The following APPBP2 variants were observed in gnomAD, a reference collection of about 807,000 sequenced individuals.
APPBP2 encodes the protein amyloid protein-binding protein 2.
A neutral mutation model predicts 76.0 loss-of-function variants in APPBP2; 15 were observed. The observed-to-expected ratio is 0.20, with a 90% confidence interval of 0.13 to 0.30. The LOEUF (loss-of-function observed/expected upper bound fraction) is 0.30, where lower values mean the gene tolerates loss of function less well. APPBP2 is among the 10% of genes least tolerant of loss of function. The pLI, the probability that APPBP2 is intolerant of heterozygous loss-of-function variation, is 1.00. For missense variants in APPBP2, 401 were observed against 687.2 expected (o/e 0.58, Z 4.66); for synonymous variants, 222 against 242.2 (o/e 0.92, Z 0.77).
At chr17:60,511,057 T>C (rs1050069021) in intron 1 of APPBP2, among the ~76,000 whole-genome samples, 4 of 152,200 alleles carry the variant, frequency 2.6e-5, no homozygotes, top group African/African-American at 9.7e-5. Flanking sequence ...CAAGATAGTA[T>C]GATTTTGTTA....
chr17:60,476,823 C>T (rs1000949147), intron 4 of APPBP2, among the ~76,000 whole-genome samples: 24 of 152,192 alleles, frequency 1.6e-4, no homozygotes, highest in African/African-American at 5.8e-4. Context: ...AAGCAATCCT[C>T]AAATCTTGGC....
At chr17:60,469,639 A>G (rs1401121583) in intron 4 of APPBP2, among the ~76,000 whole-genome samples, 1 of 152,208 alleles carries the variant, frequency 6.6e-6, no homozygotes, top group Non-Finnish European at 1.5e-5. Flanking sequence ...GAACCATACA[A>G]TATTTGTCCT....
intron 1 of APPBP2, among the ~76,000 whole-genome samples, chr17:60,518,527 T>TGTGTGTGTGTGTGTGTGTGTGTGA (rs1228556905): frequency 1.1e-4 from 16 of 151,278 alleles, no homozygotes; most frequent in African/African-American, 3.7e-4. Flanking sequence ...TGTGTGTGTG[T>TGTGTGTGTGTGTGTGTGTGTGTGA]GAAAGAGAGA....
At position 60,460,684 on chromosome 17, in the gene APPBP2, G is replaced by C. The variant is rs1321675614; in HGVS notation, c.1040C>G (p.Ser347Cys). The change falls in exon 9 of 13, where the codon TCT becomes TGT. Residue 347 changes from serine (S) to cysteine (C), a missense_variant. By Grantham distance (112) the Ser-to-Cys change is moderately radical (BLOSUM62 -1). This residue lies in a region of APPBP2 where 130 missense variants were observed against 322.7 expected (regional missense o/e 0.40). Coordinates refer to ENST00000083182, the MANE Select transcript of APPBP2 (RefSeq NM_006380.5). ...TTACAGTGCATTGTCAAATTTCCCAGAGCTATACTGGTGGACATAAGAAGA... is the reference window on the plus strand; with the variant it reads ...TTACAGTGCATTGTCAAATTTCCCACAGCTATACTGGTGGACATAAGAAGA... ...AYSSYVHQYS[S>C]GKFDNALFHA... The C allele has an allele frequency of 1.9e-6, 3 of 1,613,474 alleles. No individual in the cohort carries two copies. The highest frequency in any genetic ancestry group is 2.5e-6 in the Non-Finnish European group (3 of 1,179,672).
rs2090323432 is a variant in APPBP2, at chr17:60,443,919, A to G, written c.*3662T>C. ...AAAACATTCCTGAGATTTATGGACA[A>G]AAGAAGTACTGTTGAAGCTGGAGAT... On this transcript the variant is annotated 3_prime_UTR_variant, in exon 13 of 13. Transcript: ENST00000083182. 1 of 152,592 alleles carries G rather than the reference A, an allele frequency of 6.6e-6. No homozygotes were observed. Among genetic ancestry groups the G allele is most frequent in the Admixed American group, 6.6e-5 (1 of 15,262 alleles). 9.5% of individuals were successfully genotyped at this position (152,592 alleles called of 1,614,324 possible).
In APPBP2 at chr17:60,490,849, T is replaced by C. The variant is rs187082954; in HGVS notation, c.379+3617A>G. Among the ~76,000 whole-genome samples the C allele has an allele frequency of 2.0e-5, 3 of 152,318 alleles. No individual in the cohort carries two copies. The East Asian group carries it at 5.8e-4, about 29-fold the overall frequency. ...TGCCTGCCACCATGTAAGATGTGCCTTTTACCTTCCACCATGATTGTGAGG... is the reference window on the plus strand; with the variant it reads ...TGCCTGCCACCATGTAAGATGTGCCCTTTACCTTCCACCATGATTGTGAGG... On this transcript the variant is annotated intron_variant, in intron 3 of 12. Transcript: ENST00000083182.
chr17:60,448,673 T>C lies in APPBP2; in HGVS notation c.1505-839A>G, dbSNP rs185327662. On this transcript the variant is annotated intron_variant, in intron 12 of 12. Transcript: ENST00000083182. ...GTAACGGTTACGGAGTGACTGATGGTATATTGTTAAGATTGAAAAAAGTAA... is the reference window on the plus strand; with the variant it reads ...GTAACGGTTACGGAGTGACTGATGGCATATTGTTAAGATTGAAAAAAGTAA... 1.2e-4 allele frequency among the ~76,000 whole-genome samples: 19 copies of C among 152,334 alleles called. No homozygotes were observed. The East Asian group carries it at 2.3e-3, about 19-fold the overall frequency.
At chr17:60,522,581 A>C (rs2091018368) in intron 1 of APPBP2, among the ~76,000 whole-genome samples, 1 of 152,134 alleles carries the variant, frequency 6.6e-6, no homozygotes, top group Non-Finnish European at 1.5e-5. Context: ...TCAGCTTCCC[A>C]AAGTGTTGGA....
intron 9 of APPBP2, among the ~76,000 whole-genome samples, chr17:60,456,612 C>T (rs2090433301): frequency 6.6e-6 from 1 of 152,152 alleles, no homozygotes; most frequent in Non-Finnish European, 1.5e-5. Context: ...CTACAGACTA[C>T]AAGATTCTAC....
At chr17:60,512,949 TTTC>T (rs910195828) in intron 1 of APPBP2, among the ~76,000 whole-genome samples, 2 of 144,744 alleles carry the variant, frequency 1.4e-5, no homozygotes, top group African/African-American at 5.7e-5. Flanking sequence ...AAAAAAAATT[TTTC>T]TTTTCCTTTT....
At chr17:60,462,429 G>A (rs1325332635) in intron 6 of APPBP2, 1 of 177,216 alleles carries the variant, frequency 5.6e-6, no homozygotes, top group Non-Finnish European at 1.2e-5. Flanking sequence ...TCCTGGAGTG[G>A]CTGACAACAA....
chr17:60,479,056 C>T, intron 4 of APPBP2, 92 bp downstream of exon 4: 1 of 1,242,778 alleles, frequency 8.0e-7, no homozygotes, highest in Admixed American at 2.5e-5. Flanking sequence ...CAGAGATTTA[C>T]TCAAATGTTG....
intron 1 of APPBP2, among the ~76,000 whole-genome samples, chr17:60,520,949 T>C (rs2091005658): frequency 6.6e-6 from 1 of 152,220 alleles, no homozygotes; most frequent in Admixed American, 6.5e-5. Flanking sequence ...TTTTAAGAGA[T>C]AATTGTGTTG....
At chr17:60,457,568 G>C (rs1391510089) in intron 9 of APPBP2, among the ~76,000 whole-genome samples, 2 of 151,860 alleles carry the variant, frequency 1.3e-5, no homozygotes, top group African/African-American at 4.8e-5. Flanking sequence ...GTGGGTTACA[G>C]GTGTACACTG....
At chr17:60,494,329 T>A in intron 3 of APPBP2, 137 bp downstream of exon 3, 3 of 810,288 alleles carry the variant, frequency 3.7e-6, no homozygotes, top group Non-Finnish European at 5.7e-6. Context: ...TGCTTTGGCA[T>A]GGGGTTAAGT....
chr17:60,471,822 T>A (rs549499532), intron 4 of APPBP2, among the ~76,000 whole-genome samples: 1 of 152,254 alleles, frequency 6.6e-6, no homozygotes, highest in African/African-American at 2.4e-5. Context: ...AGGGTAACGT[T>A]AACCTTTTAA....
chr17:60,466,610 C>T, intron 4 of APPBP2, 151 bp from the exon 5 acceptor site: 1 of 692,276 alleles, frequency 1.4e-6, no homozygotes, highest in African/African-American at 1.8e-5. Context: ...TTGGAGTTGA[C>T]CTCATGCCCA....
rs543554300 is a variant in APPBP2, at chr17:60,524,421, C to T, written c.138+1373G>A. On this transcript the variant is annotated intron_variant, in intron 1 of 12. Coordinates refer to ENST00000083182, the MANE Select transcript of APPBP2 (RefSeq NM_006380.5). ...AAATGAACAAAATTTCCTTAGAATA[C>T]ACAAAAGTAAATCAATGTATCAAAG... Among the ~76,000 whole-genome samples, 8 of 152,156 alleles carry T rather than the reference C, an allele frequency of 5.3e-5. No individual in the cohort carries two copies. In the East Asian group the frequency reaches 1.5e-3, roughly 29 times the overall value.
chr17:60,477,957 C>T (rs995382925), intron 4 of APPBP2, among the ~76,000 whole-genome samples: 1 of 151,590 alleles, frequency 6.6e-6, no homozygotes, highest in Admixed American at 6.6e-5. Context: ...CTGGGCGATA[C>T]AGCAAAACAC....
Sources: gnomAD v4.1 joint callset for allele counts (sites outside exome capture counted in the v4.1 genomes callset) on GRCh38, gnomAD v4.1.1 for gene constraint, gnomAD v4.1.1 regional missense constraint, MANE v1.5 for transcripts, NCBI Gene and HGNC (gene_info 2026-07-23, HGNC 2026-07-21) for gene names.